The following ALPL variants were observed in gnomAD, a reference collection of about 807,000 sequenced individuals.
ALPL encodes alkaline phosphatase, tissue-nonspecific isozyme.
Under a neutral mutation model 51.3 loss-of-function variants are expected in ALPL, and 42 were observed. The observed-to-expected ratio is 0.82, with a 90% CI of 0.64 to 1.06. The LOEUF (loss-of-function observed/expected upper bound fraction) is 1.06. Among genes scored for constraint, ALPL ranks in the 50% least tolerant of loss-of-function variants. The pLI, the probability that ALPL is intolerant of heterozygous loss-of-function variation, is 0.00. For synonymous variants in ALPL, 279 were observed against 296.4 expected (o/e 0.94, Z 0.60); for missense variants, 589 against 709.4 (o/e 0.83, Z 1.93).
At chr1:21,576,384 G>A in intron 10 of ALPL, 138 bp from the exon 11 acceptor site, 1 of 1,140,718 alleles carries the variant, frequency 8.8e-7, no homozygotes, top group South Asian at 1.5e-5. Context: ...GGTTTAGAAG[G>A]TGGCTTCTTG....
chr1:21,557,891 C>T (rs547524564), intron 2 of ALPL, among the ~76,000 whole-genome samples: 1 of 152,326 alleles, frequency 6.6e-6, no homozygotes, highest in Non-Finnish European at 1.5e-5. Flanking sequence ...CTTCCCTGTG[C>T]CAACCCCCTC....
chr1:21,524,511 T>C (rs186039164), intron 1 of ALPL, among the ~76,000 whole-genome samples: 1 of 151,048 alleles, frequency 6.6e-6, no homozygotes, highest in Admixed American at 6.6e-5. Flanking sequence ...ATAAAAAATA[T>C]AAGAAAAAAA....
chr1:21,514,043 C>T (rs1643744185), intron 1 of ALPL, among the ~76,000 whole-genome samples: 1 of 152,190 alleles, frequency 6.6e-6, no homozygotes, highest in Admixed American at 6.5e-5. Flanking sequence ...CTTGGGCCAG[C>T]CCTCAGGGGG....
intron 1 of ALPL, among the ~76,000 whole-genome samples, chr1:21,530,160 C>T (rs1644009056): frequency 6.6e-6 from 1 of 152,158 alleles, no homozygotes; most frequent in African/African-American, 2.4e-5. Context: ...ACTTCTTGCC[C>T]TTAAAACTAG....
chr1:21,543,790 G>A (rs899159875), intron 1 of ALPL, among the ~76,000 whole-genome samples: 2 of 152,154 alleles, frequency 1.3e-5, no homozygotes, highest in African/African-American at 4.8e-5. Flanking sequence ...CTAGACCGGG[G>A]GCTCCCTAAG....
intron 2 of ALPL, among the ~76,000 whole-genome samples, chr1:21,560,010 C>T (rs546143869): frequency 1.3e-5 from 2 of 152,362 alleles, no homozygotes; most frequent in South Asian, 4.1e-4. Flanking sequence ...TGCAGAATGT[C>T]GTCCTTGATA....
intron 4 of ALPL, 28 bp from the exon 5 acceptor site, chr1:21,563,082 T>A: frequency 6.2e-7 from 1 of 1,613,108 alleles, no homozygotes; most frequent in East Asian, 2.2e-5. Flanking sequence ...GGCCTGGCCA[T>A]CTCCTGACCC....
chr1:21,569,460 AGTG>A (rs1417629837), intron 7 of ALPL, among the ~76,000 whole-genome samples: 1 of 152,116 alleles, frequency 6.6e-6, no homozygotes, highest in Non-Finnish European at 1.5e-5. Flanking sequence ...TTTACCATTC[AGTG>A]GCTACGTGGT....
rs1314719242 is a variant in ALPL, at chr1:21,561,212, G to A, written c.297G>A (p.Lys99=). Residue 99 remains lysine (K), a splice_region_variant and synonymous_variant, in exon 4 of 12, where the codon AAG becomes AAA. Coordinates refer to ENST00000374840, the MANE Select transcript of ALPL (RefSeq NM_000478.6). ...AGTTCCCCTTCGTGGCCCTCTCCAA[G>A]GTGAGCCCCATCCCCAAGCCCAGTT... is the stretch of plus-strand genomic sequence containing the variant. ...MDKFPFVALS[K]TYNTNAQVPD... is the part of the protein sequence containing the mutation. The A allele has an allele frequency of 1.2e-6, 2 of 1,604,500 alleles. No homozygotes were observed. Among genetic ancestry groups the A allele is most frequent in the South Asian group, 2.2e-5 (2 of 89,260 alleles).
At chr1:21,542,308 C>T (rs1644197190) in intron 1 of ALPL, among the ~76,000 whole-genome samples, 1 of 152,190 alleles carries the variant, frequency 6.6e-6, no homozygotes, top group Non-Finnish European at 1.5e-5. Flanking sequence ...GCCACAGCTC[C>T]TTGGAAGAGC....
chr1:21,526,821 C>G (rs1643949480), intron 1 of ALPL, among the ~76,000 whole-genome samples: 1 of 152,082 alleles, frequency 6.6e-6, no homozygotes. Context: ...TGTTTTATCA[C>G]TTTAAAAAAT....
intron 1 of ALPL, among the ~76,000 whole-genome samples, chr1:21,535,181 G>C (rs992342982): frequency 6.6e-6 from 1 of 152,234 alleles, no homozygotes. Flanking sequence ...GGATCTTAGA[G>C]ACATAGGGCA....
intron 1 of ALPL, among the ~76,000 whole-genome samples, chr1:21,552,488 A>G (rs4654964): frequency 6.6e-6 from 1 of 151,940 alleles, no homozygotes; most frequent in Non-Finnish European, 1.5e-5. Flanking sequence ...TCAAAAAAAA[A>G]AAAAAGAAAA....
chr1:21,548,378 C>T (rs1386388285), intron 1 of ALPL, among the ~76,000 whole-genome samples: 1 of 152,246 alleles, frequency 6.6e-6, no homozygotes, highest in African/African-American at 2.4e-5. Context: ...GCACCTGCCT[C>T]CAGGCCAAGC....
intron 2 of ALPL, among the ~76,000 whole-genome samples, chr1:21,558,318 G>A (rs1644439605): frequency 6.6e-6 from 1 of 152,202 alleles, no homozygotes; most frequent in South Asian, 2.1e-4. Flanking sequence ...GTTAAGTCAG[G>A]TACAGGTTGT....
intron 1 of ALPL, among the ~76,000 whole-genome samples, chr1:21,553,114 A>G (rs1644355016): frequency 6.7e-6 from 1 of 149,186 alleles, no homozygotes; most frequent in Non-Finnish European, 1.5e-5. Flanking sequence ...CCACCCAGAG[A>G]AAACCACAGT....
At chr1:21,533,748 G>A (rs1426188544) in intron 1 of ALPL, among the ~76,000 whole-genome samples, 3 of 151,786 alleles carry the variant, frequency 2.0e-5, no homozygotes, top group African/African-American at 2.4e-5. Flanking sequence ...TGGTGAAACC[G>A]CCCATCTCTA....
At chr1:21,576,028 C>T (rs1020648638) in intron 10 of ALPL, 104 bp downstream of exon 10, 26 of 1,368,262 alleles carry the variant, frequency 1.9e-5, no homozygotes, top group Non-Finnish European at 2.5e-5. Flanking sequence ...ATGGTGGGGA[C>T]TCAATGACAA....
intron 4 of ALPL, among the ~76,000 whole-genome samples, chr1:21,561,613 C>A (rs548807989): frequency 6.6e-6 from 1 of 151,666 alleles, no homozygotes; most frequent in Non-Finnish European, 1.5e-5. Flanking sequence ...ACAGCCTTGG[C>A]CTCCCAGTCT....
Sources: gnomAD v4.1 joint callset for allele counts (sites outside exome capture counted in the v4.1 genomes callset) on GRCh38, gnomAD v4.1.1 for gene constraint, MANE v1.5 for transcripts, NCBI Gene and HGNC (gene_info 2026-07-23, HGNC 2026-07-21) for gene names.